Variants in CYP4X1 observed in about 807,000 individuals in gnomAD.
CYP4X1 encodes the protein cytochrome P450 4X1.
CYP4X1 carries 44 observed loss-of-function variants against 57.9 expected under a neutral mutation model. The observed-to-expected ratio is 0.76, with a 90% confidence interval of 0.60 to 0.98. CYP4X1 has a LOEUF of 0.98. Among genes scored for constraint, CYP4X1 ranks in the 50% least tolerant of loss-of-function variants. The probability of loss-of-function intolerance (pLI) is 0.00; values close to 1 mark genes in which losing one functional copy is unlikely to be tolerated. For synonymous variants in CYP4X1, 227 were observed against 228.6 expected, an observed-to-expected ratio of 0.99 and a Z score of 0.06; for missense variants, 532 against 623.9, an observed-to-expected ratio of 0.85 and a Z score of 1.57.
At chr1:47,031,740 C>G (rs116099823) in intron 3 of CYP4X1, among the ~76,000 whole-genome samples, 4,733 of 152,216 alleles carry the variant, frequency 0.031, 119 homozygotes, top group Non-Finnish European at 0.048. Context: ...TGTCCCCTCT[C>G]TCTTTAAAAC....
downstream of CYP4X1, among the ~76,000 whole-genome samples, chr1:47,052,612 T>C (rs185112297): frequency 1.2e-3 from 181 of 152,274 alleles, no homozygotes; most frequent in African/African-American, 4.1e-3. Flanking sequence ...AGCATATTTA[T>C]TGGGTACCTT....
chr1:47,016,717 T>C, the CYP4X1 span, among the ~76,000 whole-genome samples: 3 of 146,374 alleles, frequency 2.0e-5, no homozygotes, highest in Non-Finnish European at 3.0e-5. Flanking sequence ...ATTGGATAAA[T>C]TGGATTTATT....
At chr1:46,971,727 G>A in the CYP4X1 span, among the ~76,000 whole-genome samples, 57 of 152,248 alleles carry the variant, frequency 3.7e-4, no homozygotes, top group African/African-American at 1.1e-3. Context: ...CTTCTTTTGA[G>A]AAGTGTCTGT....
At chr1:47,040,384 TC>T (rs951898480) in intron 8 of CYP4X1, among the ~76,000 whole-genome samples, 17 of 152,250 alleles carry the variant, frequency 1.1e-4, no homozygotes, top group African/African-American at 4.1e-4. Flanking sequence ...TAAAATGTGT[TC>T]CTGACATAAT....
chr1:47,025,686 A>G lies in CYP4X1; in HGVS notation c.177+1692A>G, dbSNP rs60371503. On this transcript the variant is annotated intron_variant, in intron 1 of 11. Transcript: ENST00000371901. ...TTTCTAATCTGCTTCATTTTTCAAT[A>G]TTTGTCACTATTTTTTTCCAAATCC... Among the ~76,000 whole-genome samples, 670 of 152,168 alleles carry G rather than the reference A, an allele frequency of 4.4e-3. 9 individuals carry two copies. Among genetic ancestry groups the G allele is most frequent in the African/African-American group, 0.015 (641 of 41,492 alleles).
chr1:47,011,698 A>T, the CYP4X1 span, among the ~76,000 whole-genome samples: 1 of 152,248 alleles, frequency 6.6e-6, no homozygotes, highest in South Asian at 2.1e-4. Context: ...CAAAGAACTT[A>T]AATAAATTTA....
chr1:47,002,031 A>G, the CYP4X1 span, among the ~76,000 whole-genome samples: 8 of 152,230 alleles, frequency 5.3e-5, no homozygotes, highest in African/African-American at 1.9e-4. Context: ...TTCGTGATTT[A>G]TCCACTGACA....
Position 47,049,507 on chromosome 1 carries a change from G to T in CYP4X1, c.1355+3G>T. ...TTACCATTCTCAGCTGGATCAAGGT[G>T]AGAACAATTTGAAGTTGCTGAAAGT... On this transcript the variant is annotated splice_donor_region_variant and intron_variant, in intron 11 of 11. Coordinates refer to ENST00000371901, the MANE Select transcript of CYP4X1 (RefSeq NM_178033.2). The T allele has an allele frequency of 6.2e-7, 1 of 1,613,710 alleles. No homozygotes were observed. The highest frequency in any genetic ancestry group is 8.5e-7 in the Non-Finnish European group (1 of 1,179,732).
At chr1:47,012,635 A>G in the CYP4X1 span, among the ~76,000 whole-genome samples, 2 of 152,208 alleles carry the variant, frequency 1.3e-5, no homozygotes, top group Non-Finnish European at 2.9e-5. Flanking sequence ...ATGTGAAGTA[A>G]TACACATGCC....
In CYP4X1 at chr1:47,036,000, C is replaced by T. The variant is rs761418622; in HGVS notation, c.621-17C>T. The T allele has an allele frequency of 3.7e-6, 6 of 1,609,878 alleles. No homozygotes were observed. The South Asian group carries it at 5.5e-5, about 15-fold the overall frequency. On this transcript the variant is annotated splice_polypyrimidine_tract_variant and intron_variant, in intron 5 of 11. Transcript: ENST00000371901. The stretch of plus-strand genomic sequence containing the variant: ...CTAAGTTGTTTATTAACACATTATC[C>T]CAACTTTCTCTTCTAGCACCCATGA...
chr1:46,961,482 T>C, the CYP4X1 span: 1 of 1,100,410 alleles, frequency 9.1e-7, no homozygotes, highest in African/African-American at 1.6e-5. Flanking sequence ...GTTCACTGGC[T>C]TCCAGAACAT....
chr1:47,001,348 A>G, the CYP4X1 span, among the ~76,000 whole-genome samples: 1 of 152,194 alleles, frequency 6.6e-6, no homozygotes, highest in Non-Finnish European at 1.5e-5. Flanking sequence ...TGGATGGATA[A>G]AGAGTTAATC....
intron 1 of CYP4X1, among the ~76,000 whole-genome samples, chr1:47,025,793 T>C (rs1004508583): frequency 1.3e-5 from 2 of 152,196 alleles, no homozygotes; most frequent in African/African-American, 4.8e-5. Flanking sequence ...TTGGAGATAT[T>C]TTTGCCACAG....
At chr1:47,025,907 C>T (rs139276459) in intron 1 of CYP4X1, among the ~76,000 whole-genome samples, 1 of 152,300 alleles carries the variant, frequency 6.6e-6, no homozygotes, top group Non-Finnish European at 1.5e-5. Flanking sequence ...TGTATCTCTA[C>T]TGTCTCATGA....
chr1:47,007,437 G>A, the CYP4X1 span, among the ~76,000 whole-genome samples: 2 of 152,138 alleles, frequency 1.3e-5, no homozygotes, highest in Non-Finnish European at 2.9e-5. Context: ...ACGTCACCAT[G>A]ATCAAAGACC....
In CYP4X1 at chr1:47,023,953, T is replaced by G. The variant is rs1305942601; in HGVS notation, c.136T>G (p.Phe46Val). Residue 46 changes from phenylalanine to valine, a missense_variant, in exon 1 of 12, where the codon TTC becomes GTC. Coordinates refer to ENST00000371901, the MANE Select transcript of CYP4X1 (RefSeq NM_178033.2). ...GCGGCTGCTGCGGGACCTGCGCCCCTTCCCAGCGCCCCCCACCCACTGGTT... is the reference window on the plus strand; with the variant it reads ...GCGGCTGCTGCGGGACCTGCGCCCCGTCCCAGCGCCCCCCACCCACTGGTT... ...RQRLLRDLRPFPAPPTHWFLG... is the reference protein window; with the variant it reads ...RQRLLRDLRPVPAPPTHWFLG... The G allele has an allele frequency of 6.2e-7, 1 of 1,613,070 alleles. No individual in the cohort carries two copies. The highest frequency in any genetic ancestry group is 8.5e-7 in the Non-Finnish European group (1 of 1,179,884).
chr1:47,011,318 T>C, the CYP4X1 span, among the ~76,000 whole-genome samples: 3 of 152,248 alleles, frequency 2.0e-5, no homozygotes, highest in East Asian at 3.8e-4. Flanking sequence ...AAGGATTCCC[T>C]ATTTAATAAA....
At chr1:47,025,979 C>T (rs926713416) in intron 1 of CYP4X1, among the ~76,000 whole-genome samples, 5 of 152,118 alleles carry the variant, frequency 3.3e-5, no homozygotes, top group Non-Finnish European at 7.3e-5. Context: ...AATCAATTGA[C>T]CATAAATGTC....
rs771062649 is a variant in CYP4X1 at position 47,046,483 on chromosome 1, A to G, written c.1090A>G (p.Met364Val). ...SSITWDQLGEMSYTTMCIKET... is the reference protein window; with the variant it reads ...SSITWDQLGEVSYTTMCIKET... ...TCCTCACAGGGACCAGCTGGGTGAG[A>G]TGTCGTACACCACAATGTGCATCAA... Residue 364 changes from methionine to valine, a missense_variant, in exon 9 of 12, where the codon ATG becomes GTG. Physicochemically the swap from Met to Val is conservative, Grantham distance 21. Transcript: ENST00000371901. 2.5e-6 allele frequency: 4 copies of G among 1,614,118 alleles called. No individual in the cohort carries two copies. In the South Asian group the frequency reaches 3.3e-5, roughly 13 times the overall value.
Sources: allele counts gnomAD v4.1 joint callset (sites outside exome capture counted in the v4.1 genomes callset), GRCh38; gene constraint gnomAD v4.1.1; transcripts MANE v1.5; gene names NCBI Gene and HGNC (gene_info 2026-07-23, HGNC 2026-07-21).